CLASP2: variants seen among roughly 807,000 people sequenced by gnomAD.
The protein encoded by CLASP2 is CLIP-associating protein 2.
CLASP2 carries 47 observed loss-of-function variants against 194.4 expected under a neutral mutation model. The observed-to-expected ratio is 0.24, with a 90% CI of 0.19 to 0.31. The LOEUF is 0.31. CLASP2 is among the 10% of genes least tolerant of loss of function. CLASP2 has a pLI of 1.00. For missense variants in CLASP2, 1,445 were observed against 1,823.6 expected, an observed-to-expected ratio of 0.79 and a Z score of 3.78; for synonymous variants, 619 against 633.5, an observed-to-expected ratio of 0.98 and a Z score of 0.34.
chr3:33,534,534 T>C (rs1217284014), intron 34 of CLASP2, among the ~76,000 whole-genome samples: 1 of 152,152 alleles, frequency 6.6e-6, no homozygotes, highest in Non-Finnish European at 1.5e-5. Flanking sequence ...GCGACTACAT[T>C]CCAGACTGGG....
chr3:33,692,879 T>C (rs1449975567), intron 2 of CLASP2, among the ~76,000 whole-genome samples: 2 of 152,288 alleles, frequency 1.3e-5, no homozygotes, highest in African/African-American at 4.8e-5. Flanking sequence ...AACGTAACTC[T>C]TAGTATTTTT....
chr3:33,711,404 C>G (rs894943418), intron 1 of CLASP2, among the ~76,000 whole-genome samples: 4 of 151,642 alleles, frequency 2.6e-5, no homozygotes, highest in African/African-American at 9.7e-5. Flanking sequence ...CACCACCATA[C>G]CTGGCTAATT....
intron 32 of CLASP2, among the ~76,000 whole-genome samples, chr3:33,542,021 A>T (rs1277422770): frequency 6.6e-6 from 1 of 152,154 alleles, no homozygotes; most frequent in Non-Finnish European, 1.5e-5. Flanking sequence ...ACATTTTAAT[A>T]ATAACCATTC....
At chr3:33,518,076 A>G (rs1211923159) in intron 34 of CLASP2, among the ~76,000 whole-genome samples, 2 of 152,246 alleles carry the variant, frequency 1.3e-5, no homozygotes, top group African/African-American at 2.4e-5. Context: ...TGTAGAGAAT[A>G]ACTTTATCAA....
chr3:33,564,606 T>G (rs1033364057), intron 27 of CLASP2, among the ~76,000 whole-genome samples: 1 of 152,154 alleles, frequency 6.6e-6, no homozygotes, highest in African/African-American at 2.4e-5. Flanking sequence ...TGTTATCACT[T>G]TTGAGACAGA....
intron 28 of CLASP2, among the ~76,000 whole-genome samples, chr3:33,560,414 T>C (rs2061630086): frequency 6.6e-6 from 1 of 152,030 alleles, no homozygotes; most frequent in South Asian, 2.1e-4. Context: ...GGCTAATTTT[T>C]GTATTTTTAG....
chr3:33,556,306 A>C (rs969916198), intron 29 of CLASP2, among the ~76,000 whole-genome samples: 3 of 152,174 alleles, frequency 2.0e-5, no homozygotes, highest in Non-Finnish European at 2.9e-5. Context: ...ATAATCTGTT[A>C]AATTTTTTAT....
chr3:33,652,822 ACTCAGCTG>A (rs995867880), intron 7 of CLASP2, among the ~76,000 whole-genome samples: 104 of 152,130 alleles, frequency 6.8e-4, no homozygotes, highest in African/African-American at 2.4e-3. Flanking sequence ...GTCACCATCT[ACTCAGCTG>A]CTCAGGCTCA....
rs773543525 is a variant in CLASP2, at chr3:33,688,230, G to T, written c.470+47C>A. 3.5e-5 allele frequency: 49 copies of T among 1,405,086 alleles called. No individual in the cohort carries two copies. In the South Asian group the frequency reaches 6.3e-4, roughly 18 times the overall value. 87.0% of individuals were successfully genotyped at this position (1,405,086 alleles called of 1,614,324 possible). On this transcript the variant is annotated intron_variant, in intron 4 of 38. Coordinates refer to ENST00000682230, the MANE Select transcript of CLASP2 (RefSeq NM_001365631.1). The stretch of plus-strand genomic sequence containing the variant: ...ACTTTGTGAACTGAGGTTTTTTTTA[G>T]AGAAATAAAAAACAAGACAGTTATT...
chr3:33,630,064 G>A (rs963585376), intron 9 of CLASP2, among the ~76,000 whole-genome samples: 1 of 152,134 alleles, frequency 6.6e-6, no homozygotes, highest in African/African-American at 2.4e-5. Flanking sequence ...CTTTGGAAAC[G>A]TAACGGTAAC....
intron 34 of CLASP2, among the ~76,000 whole-genome samples, chr3:33,530,171 G>A (rs1014914091): frequency 1.3e-5 from 2 of 151,920 alleles, no homozygotes; most frequent in South Asian, 2.1e-4. Context: ...GAAAAGTACA[G>A]TATAGTAAAT....
chr3:33,713,156 A>G (rs2093118310), intron 1 of CLASP2, among the ~76,000 whole-genome samples: 1 of 152,118 alleles, frequency 6.6e-6, no homozygotes, highest in East Asian at 1.9e-4. Context: ...ACATATTTAC[A>G]TGTTGAAATA....
At chr3:33,686,239 A>G (rs1045334400) in intron 5 of CLASP2, among the ~76,000 whole-genome samples, 3 of 152,174 alleles carry the variant, frequency 2.0e-5, no homozygotes, top group Non-Finnish European at 4.4e-5. Flanking sequence ...CAAGTTCACC[A>G]TGAGGGACAT....
Position 33,543,450 on chromosome 3 carries a change from C to T in CLASP2, c.3387G>A (p.Gln1129=), listed in dbSNP as rs1360208037. 4.4e-6 allele frequency: 7 copies of T among 1,597,640 alleles called. No homozygotes were observed. Among genetic ancestry groups the T allele is most frequent in the Admixed American group, 1.7e-5 (1 of 59,974 alleles). ...TTTATTACCTTGGAGATAAAGTATT[C>T]TGTGATGTATTGGTAGGAGAAGTAA... ...SPLTSPTNTS[Q]NTLSPSAFDY... Residue 1129 remains glutamine (Q), a synonymous_variant, in exon 32 of 39, where the codon CAG becomes CAA. Transcript: ENST00000682230.
chr3:33,500,039 C>CTT (rs750565639), intron 38 of CLASP2, among the ~76,000 whole-genome samples: 9 of 147,404 alleles, frequency 6.1e-5, no homozygotes, highest in Non-Finnish European at 1.1e-4. Flanking sequence ...CTGTGTTCTA[C>CTT]TTTTTTTTTT....
rs544246037 is a variant in CLASP2 at position 33,517,602 on chromosome 3, A to C, written c.3788-428T>G. ...TAAATGGCTTTTAGGGATGATAAAA[A>C]CGACCACTGGATTTAGGTAGTGACA... On this transcript the variant is annotated intron_variant, in intron 34 of 38. Coordinates refer to ENST00000682230, the MANE Select transcript of CLASP2 (RefSeq NM_001365631.1). Among the ~76,000 whole-genome samples the C allele has an allele frequency of 1.9e-4, 29 of 152,308 alleles. No homozygotes were observed. In the South Asian group the frequency reaches 6.0e-3, roughly 32 times the overall value.
chr3:33,706,321 G>A (rs2092683060), intron 1 of CLASP2, among the ~76,000 whole-genome samples: 1 of 152,136 alleles, frequency 6.6e-6, no homozygotes, highest in African/African-American at 2.4e-5. Flanking sequence ...AGGATACAAG[G>A]AACAGAGAAA....
intron 38 of CLASP2, among the ~76,000 whole-genome samples, chr3:33,499,064 T>A (rs2046219646): frequency 1.3e-5 from 2 of 152,162 alleles, no homozygotes; most frequent in African/African-American, 4.8e-5. Context: ...TGAATTGTAA[T>A]CCCCATGTGT....
chr3:33,676,410 C>T (rs1023030529), intron 6 of CLASP2, among the ~76,000 whole-genome samples: 4 of 149,762 alleles, frequency 2.7e-5, no homozygotes, highest in Admixed American at 2.0e-4. Context: ...ATATCTACAA[C>T]TATCTGATCT....
Sources: gnomAD v4.1 joint callset for allele counts (sites outside exome capture counted in the v4.1 genomes callset) on GRCh38, gnomAD v4.1.1 for gene constraint, MANE v1.5 for transcripts, NCBI Gene and HGNC (gene_info 2026-07-23, HGNC 2026-07-21) for gene names.